Variants in TAF6 observed in about 807,000 individuals in gnomAD.
TAF6 encodes the protein TATA-box binding protein associated factor 6.
A neutral mutation model predicts 73.5 loss-of-function variants in TAF6; 50 were observed. The ratio of observed to expected loss-of-function variants is 0.68; its 90% confidence interval spans 0.54 to 0.86. TAF6 has a LOEUF of 0.86. TAF6 is among the 40% of genes least tolerant of loss of function. TAF6 has a pLI of 0.00. For synonymous variants in TAF6, 424 were observed against 376.7 expected, an observed-to-expected ratio of 1.13 and a Z score of -1.45; for missense variants, 768 against 899.5, an observed-to-expected ratio of 0.85 and a Z score of 1.87.
rs1296941726 is a variant in TAF6, at chr7:100,108,379, C to G, written c.1446G>C (p.Leu482=). ...CCCGGCCACGGACCTGCGTGATGGTCAGAGTGGTCCTGTTGACCTGCTGAG... is the reference window on the plus strand; with the variant it reads ...CCCGGCCACGGACCTGCGTGATGGTGAGAGTGGTCCTGTTGACCTGCTGAG... ...LQAQQVNRTT[L]TITQPRPTLT... is the part of the protein sequence containing the mutation. The change falls in exon 13 of 15, where the codon CTG becomes CTC. Residue 482 remains leucine (L), a synonymous_variant. Transcript: ENST00000453269. 2 of 1,606,404 alleles carry G rather than the reference C, an allele frequency of 1.2e-6. No homozygotes were observed. Among genetic ancestry groups the G allele is most frequent in the Non-Finnish European group, 1.7e-6 (2 of 1,174,542 alleles).
rs761709540 is a variant in TAF6, at chr7:100,107,387, C to G, written c.1893G>C (p.Pro631=). 4 of 1,595,622 alleles carry G rather than the reference C, an allele frequency of 2.5e-6. No homozygotes were observed. The highest frequency in any genetic ancestry group is 1.3e-5 in the African/African-American group (1 of 74,436). The change falls in exon 15 of 15, where the codon CCG becomes CCC. Residue 631 remains proline, a synonymous_variant. Transcript: ENST00000453269. Reference sequence around the variant, plus strand: ...CGCTGAGTGGGGACGGGGACGATGCCGGGGGAGGAACTGGAGAAGGATGGG... The same window carrying G: ...CGCTGAGTGGGGACGGGGACGATGCGGGGGGAGGAACTGGAGAAGGATGGG... ...PTSHPSPVPP[P]ASSPSPLSGS...
intron 12 of TAF6, 109 bp downstream of exon 12, chr7:100,109,839 T>C: frequency 6.6e-7 from 1 of 1,511,920 alleles, no homozygotes; most frequent in East Asian, 2.3e-5. Context: ...TGCAATGTCC[T>C]CTGAAAACAT....
chr7:100,121,110 A>ATTTTTTTTTTTTTTTT (rs1798036782), upstream of TAF6: 3 of 28,394 alleles, frequency 1.1e-4, no homozygotes, highest in Non-Finnish European at 2.1e-4. Flanking sequence ...ATATATATAT[A>ATTTTTTTTTTTTTTTT]TATATATTTT....
At chr7:100,123,800 A>G (rs1798144986), upstream of TAF6, among the ~76,000 whole-genome samples, 2 of 152,162 alleles carry the variant, frequency 1.3e-5, no homozygotes, top group Admixed American at 6.5e-5. Flanking sequence ...GATTACAGGC[A>G]TGAGCCATTG....
At chr7:100,126,675 G>C in the TAF6 span, 3 of 152,520 alleles carry the variant, frequency 2.0e-5, no homozygotes, top group East Asian at 5.8e-4. Context: ...TGGGCTTGGT[G>C]GTGCGCATCT....
intron 6 of TAF6, 24 bp downstream of exon 6, chr7:100,112,774 G>A (rs375377889): frequency 6.3e-7 from 1 of 1,582,256 alleles, no homozygotes; most frequent in South Asian, 1.1e-5. Context: ...AGAGTCCAGA[G>A]AGGCCTAGCC....
chr7:100,120,895 G>C (rs1286532110), upstream of TAF6, among the ~76,000 whole-genome samples: 1 of 151,972 alleles, frequency 6.6e-6, no homozygotes, highest in Non-Finnish European at 1.5e-5. Flanking sequence ...ACAGAGACCT[G>C]TAGATAGAGA....
At chr7:100,114,314 CAG>C (rs1797494283) in intron 1 of TAF6, 46 bp from the exon 2 acceptor site, 5 of 1,581,884 alleles carry the variant, frequency 3.2e-6, no homozygotes, top group Admixed American at 1.7e-5. Context: ...ACGTGAGACA[CAG>C]GGAGAGGGCC....
At chr7:100,118,452 G>C (rs1471389592) in intron 1 of TAF6, 1 of 152,004 alleles carries the variant, frequency 6.6e-6, no homozygotes, top group South Asian at 2.1e-4. Context: ...GAGGCCAGGA[G>C]TTTGAGACAG....
chr7:100,120,583 C>T (rs556358963), upstream of TAF6, among the ~76,000 whole-genome samples: 1 of 152,312 alleles, frequency 6.6e-6, no homozygotes, highest in Admixed American at 6.5e-5. Context: ...TCATGAAAGG[C>T]AGTCATGACA....
chr7:100,124,645 T>C (rs201532149), upstream of TAF6: 9 of 1,611,942 alleles, frequency 5.6e-6, no homozygotes, highest in Middle Eastern at 1.7e-4. Context: ...AGCGTAAGGG[T>C]TGAACTCCTC....
intron 6 of TAF6, 31 bp from the exon 7 acceptor site, chr7:100,112,284 G>C: frequency 6.2e-7 from 1 of 1,602,002 alleles, no homozygotes; most frequent in Non-Finnish European, 8.5e-7. Flanking sequence ...GTCTGACAAA[G>C]AAAGCTCCAG....
In TAF6 at chr7:100,107,297, T is replaced by C; in HGVS notation, c.1983A>G (p.Pro661=). Residue 661 remains proline (P), a synonymous_variant, in exon 15 of 15, where the codon CCA becomes CCG. Coordinates refer to ENST00000453269, the MANE Select transcript of TAF6 (RefSeq NM_139315.3). ...GDSPPPAPGT[P]KANGSQPNSG... ...AGTTGGGCTGGGAGCCATTGGCTTT[T>C]GGAGTCCCTGGAGCTGGAGGGGGAC... 1.6e-5 allele frequency: 24 copies of C among 1,524,568 alleles called. No individual in the cohort carries two copies. The highest frequency in any genetic ancestry group is 2.0e-5 in the Non-Finnish European group (23 of 1,138,210). 94.4% of individuals were successfully genotyped at this position (1,524,568 alleles called of 1,614,324 possible).
chr7:100,122,837 G>A (rs749015482), upstream of TAF6: 6 of 1,613,904 alleles, frequency 3.7e-6, no homozygotes, highest in Admixed American at 1.7e-5. Flanking sequence ...AGGGGGTGAA[G>A]GTGGATCTGG....
At chr7:100,116,427 G>T (rs4134888) in intron 1 of TAF6, 88,606 of 151,764 alleles carry the variant, frequency 0.58, 26,199 homozygotes, top group East Asian at 0.86. Flanking sequence ...TCACTTGAGG[G>T]CAGGAGTTCA....
intron 1 of TAF6, among the ~76,000 whole-genome samples, chr7:100,117,266 TC>T (rs1797745402): frequency 7.5e-6 from 1 of 133,116 alleles, no homozygotes; most frequent in Non-Finnish European, 1.6e-5. Context: ...TAGACAGGGC[TC>T]TTTTTTTTTT....
chr7:100,122,538 T>A, upstream of TAF6: 1 of 1,613,564 alleles, frequency 6.2e-7, no homozygotes, highest in Non-Finnish European at 8.5e-7. Context: ...TGGACTATAG[T>A]GTTCACGCTG....
rs747364039 is a variant in TAF6, at chr7:100,113,715, C to G, written c.298G>C (p.Gly100Arg). 2.5e-6 allele frequency: 4 copies of G among 1,614,098 alleles called. No homozygotes were observed. The highest frequency in any genetic ancestry group is 1.3e-5 in the African/African-American group (1 of 74,990). The change falls in exon 4 of 15, where the codon GGG (glycine) becomes CGG (arginine). Residue 100 changes from glycine to arginine, a missense_variant. This residue lies in a region of TAF6 where 269 missense variants were observed against 268.0 expected (regional missense o/e 1.00). Transcript: ENST00000453269. ...EFIPFRFASG[G>R]GRELYFYEEK... ...TCATAGAAGTAAAGCTCCCGGCCCCCACCAGAGGCGAAGCGGAAAGGAATG... is the reference window on the plus strand; with the variant it reads ...TCATAGAAGTAAAGCTCCCGGCCCCGACCAGAGGCGAAGCGGAAAGGAATG...
chr7:100,123,636 TC>T (rs1207615968), upstream of TAF6, among the ~76,000 whole-genome samples: 2 of 152,064 alleles, frequency 1.3e-5, no homozygotes, highest in African/African-American at 4.8e-5. Flanking sequence ...TTCTCCTGCT[TC>T]AGCCTCCCGA....
Sources: gnomAD v4.1 joint callset for allele counts (sites outside exome capture counted in the v4.1 genomes callset) on GRCh38, gnomAD v4.1.1 for gene constraint, gnomAD v4.1.1 regional missense constraint, MANE v1.5 for transcripts, NCBI Gene and HGNC (gene_info 2026-07-23, HGNC 2026-07-21) for gene names.